The following MBTPS1 variants were observed in gnomAD, a reference collection of about 807,000 sequenced individuals.
The protein encoded by MBTPS1 is membrane bound transcription factor peptidase, site 1.
MBTPS1 carries 94 observed loss-of-function variants against 127.8 expected under a neutral mutation model. The observed-to-expected ratio is 0.74, with a 90% confidence interval of 0.62 to 0.87. MBTPS1 has a LOEUF of 0.87. Ranked by LOEUF, MBTPS1 falls within the 40% of genes least tolerant of loss-of-function variation. The pLI, the probability that MBTPS1 is intolerant of heterozygous loss-of-function variation, is 0.00. For synonymous variants in MBTPS1, 632 were observed against 509.4 expected, an observed-to-expected ratio of 1.24 and a Z score of -3.24; for missense variants, 1,636 against 1,353.2, an observed-to-expected ratio of 1.21 and a Z score of -3.28.
At chr16:84,054,718 T>C (rs187476296) in intron 22 of MBTPS1, 73 bp from the exon 23 acceptor site, 13 of 1,203,584 alleles carry the variant, frequency 1.1e-5, no homozygotes, top group Admixed American at 8.1e-5. Context: ...CTATGACGGC[T>C]GGATTCATCA....
At chr16:84,079,253 A>G (rs2085903690) in intron 11 of MBTPS1, among the ~76,000 whole-genome samples, 1 of 152,228 alleles carries the variant, frequency 6.6e-6, no homozygotes, top group Non-Finnish European at 1.5e-5. Context: ...CTGCAGAACC[A>G]GGAGCCAACT....
intron 11 of MBTPS1, among the ~76,000 whole-genome samples, chr16:84,079,418 A>C (rs1371550987): frequency 2.6e-5 from 4 of 152,256 alleles, no homozygotes; most frequent in African/African-American, 9.6e-5. Context: ...AAAGGAATAC[A>C]AACACGAATA....
intron 12 of MBTPS1, among the ~76,000 whole-genome samples, chr16:84,073,825 T>G (rs979305066): frequency 6.6e-6 from 1 of 151,888 alleles, no homozygotes; most frequent in African/African-American, 2.4e-5. Flanking sequence ...GCCAACATGG[T>G]GAAACCCTGT....
At chr16:84,080,748 C>G (rs2085928441) in intron 11 of MBTPS1, among the ~76,000 whole-genome samples, 1 of 152,248 alleles carries the variant, frequency 6.6e-6, no homozygotes, top group African/African-American at 2.4e-5. Context: ...GAGCCTCTTC[C>G]TCCCCAGTCC....
At chr16:84,056,354 G>A in intron 21 of MBTPS1, 1 of 492,340 alleles carries the variant, frequency 2.0e-6, no homozygotes, top group Admixed American at 3.4e-5. Context: ...CCCTGTTCAT[G>A]AGATTCTACT....
intron 11 of MBTPS1, among the ~76,000 whole-genome samples, chr16:84,078,955 C>A (rs1292930344): frequency 6.6e-6 from 1 of 152,176 alleles, no homozygotes; most frequent in African/African-American, 2.4e-5. Context: ...TCGCCCCCTC[C>A]CAATCTCACG....
intron 1 of MBTPS1, among the ~76,000 whole-genome samples, chr16:84,104,037 A>T (rs1055355356): frequency 6.6e-6 from 1 of 152,224 alleles, no homozygotes; most frequent in African/African-American, 2.4e-5. Context: ...CCTACTTCTT[A>T]GTTTCTTTAT....
intron 3 of MBTPS1, 90 bp from the exon 4 acceptor site, chr16:84,095,895 A>T: frequency 1.9e-6 from 2 of 1,037,326 alleles, no homozygotes; most frequent in African/African-American, 1.6e-5. Context: ...CACAGGGAGG[A>T]TTACCATTTG....
intron 4 of MBTPS1, 36 bp downstream of exon 4, chr16:84,095,566 A>G (rs755950505): frequency 2.5e-6 from 4 of 1,602,876 alleles, no homozygotes; most frequent in Admixed American, 1.7e-5. Flanking sequence ...ACACCTGTAT[A>G]TCCCATAAGC....
chr16:84,093,787 C>T lies in MBTPS1; in HGVS notation c.660G>A (p.Gly220=). 1 of 1,613,996 alleles carries T rather than the reference C, an allele frequency of 6.2e-7. No homozygotes were observed. The highest frequency in any genetic ancestry group is 8.5e-7 in the Non-Finnish European group (1 of 1,179,868). ...TGAAGTGGGGATGCTTCTCGCTCAGCCCAGTGTCAAAAACAGCAACTCTTA... is the reference window on the plus strand; with the variant it reads ...TGAAGTGGGGATGCTTCTCGCTCAGTCCAGTGTCAAAAACAGCAACTCTTA... The part of the protein sequence containing the change: ...ANVRVAVFDT[G]LSEKHPHFKN... The change falls in exon 5 of 23, where the codon GGG becomes GGA. Residue 220 remains glycine, a synonymous_variant. Coordinates refer to ENST00000343411, the MANE Select transcript of MBTPS1 (RefSeq NM_003791.4).
In MBTPS1 at chr16:84,054,290, T is replaced by C. The variant is rs778584886; in HGVS notation, c.*159A>G. Reference sequence around the variant, plus strand: ...ATCTTCTCGATGTACCAGGAGCCTCTGCCCATCACAGGAGGGCAGGCCCAT... The same window carrying C: ...ATCTTCTCGATGTACCAGGAGCCTCCGCCCATCACAGGAGGGCAGGCCCAT... On this transcript the variant is annotated 3_prime_UTR_variant, in exon 23 of 23. Transcript: ENST00000343411. 1.9e-6 allele frequency: 1 copy of C among 513,716 alleles called. No homozygotes were observed. The highest frequency in any genetic ancestry group is 3.3e-6 in the Non-Finnish European group (1 of 306,222). The allele number at this position is 513,716 out of a possible 1,614,324, so 31.8% of individuals were successfully genotyped here.
intron 12 of MBTPS1, among the ~76,000 whole-genome samples, chr16:84,071,143 T>C (rs148428236): frequency 5.8e-4 from 88 of 152,326 alleles, no homozygotes; most frequent in African/African-American, 2.1e-3. Context: ...CAATTAGTTG[T>C]ATGCTTTAAA....
intron 14 of MBTPS1, 149 bp downstream of exon 14, chr16:84,069,717 T>A: frequency 1.4e-6 from 1 of 716,432 alleles, no homozygotes; most frequent in South Asian, 2.0e-5. Flanking sequence ...CTGCCCTAAG[T>A]GCATGGCAAA....
intron 16 of MBTPS1, among the ~76,000 whole-genome samples, chr16:84,067,366 T>C (rs2085701021): frequency 6.6e-6 from 1 of 152,218 alleles, no homozygotes; most frequent in Admixed American, 6.5e-5. Context: ...TTTTATTTTT[T>C]CTCTTTGAGA....
In MBTPS1 at chr16:84,095,805, G is replaced by C. The variant is rs759310749; in HGVS notation, c.422C>G (p.Ser141Cys). 21 of 1,612,802 alleles carry C rather than the reference G, an allele frequency of 1.3e-5. No homozygotes were observed. In the East Asian group the frequency reaches 4.0e-4, roughly 31 times the overall value. Residue 141 changes from serine to cysteine, a missense_variant and splice_region_variant, in exon 4 of 23, where the codon TCT becomes TGT. Ser to Cys is a moderately radical substitution (Grantham distance 112). Transcript: ENST00000343411. ...KVFRSLKYAESDPTVPCNETR... is the reference protein window; with the variant it reads ...KVFRSLKYAECDPTVPCNETR... ...TTCATTGCAGGGTACTGTGGGGTCAGCTACAGGCAAGGGAGAGAAAGATCA... is the reference window on the plus strand; with the variant it reads ...TTCATTGCAGGGTACTGTGGGGTCACCTACAGGCAAGGGAGAGAAAGATCA...
chr16:84,079,617 C>T (rs1435976343), intron 11 of MBTPS1, among the ~76,000 whole-genome samples: 1 of 152,196 alleles, frequency 6.6e-6, no homozygotes, highest in Non-Finnish European at 1.5e-5. Context: ...TACAACTAAG[C>T]AAATAAGCCA....
intron 19 of MBTPS1, among the ~76,000 whole-genome samples, chr16:84,062,183 C>T (rs908827227): frequency 2.6e-5 from 4 of 152,142 alleles, no homozygotes; most frequent in African/African-American, 7.2e-5. Context: ...TGCAGTGGCA[C>T]GATCTCGGCT....
intron 11 of MBTPS1, among the ~76,000 whole-genome samples, chr16:84,080,610 G>T (rs1251948508): frequency 1.3e-5 from 2 of 152,360 alleles, no homozygotes; most frequent in East Asian, 3.9e-4. Context: ...CCCTGGGGCT[G>T]CTCCCAGCCA....
intron 17 of MBTPS1, 67 bp downstream of exon 17, chr16:84,066,422 A>T: frequency 3.3e-6 from 5 of 1,506,574 alleles, no homozygotes; most frequent in South Asian, 1.3e-5. Flanking sequence ...CAAGAAATCT[A>T]GACTTCAGAG....
Sources: gnomAD v4.1 joint callset for allele counts (sites outside exome capture counted in the v4.1 genomes callset) on GRCh38, gnomAD v4.1.1 for gene constraint, MANE v1.5 for transcripts, NCBI Gene and HGNC (gene_info 2026-07-23, HGNC 2026-07-21) for gene names.